MYO3B: variants seen among roughly 807,000 people sequenced by gnomAD.
MYO3B encodes myosin-IIIb.
In MYO3B, 156 loss-of-function variants were observed where a neutral mutation model predicts 174.6. The observed-to-expected ratio is 0.89, with a 90% CI of 0.78 to 1.02. The LOEUF is 1.02. Ranked by LOEUF, MYO3B falls within the 50% of genes least tolerant of loss-of-function variation. The pLI is 0.00. For missense variants in MYO3B, 1,632 were observed against 1,639.4 expected (o/e 1.00, Z 0.08); for synonymous variants, 563 against 569.1 (o/e 0.99, Z 0.15).
intron 32 of MYO3B, among the ~76,000 whole-genome samples, chr2:170,551,022 CT>C (rs1041767694): frequency 8.3e-5 from 5 of 60,082 alleles, no homozygotes; most frequent in African/African-American, 4.7e-4. Flanking sequence ...CCTCAGCCTC[CT>C]AAGTAACTGG....
At chr2:170,511,800 A>C (rs907860868) in intron 28 of MYO3B, among the ~76,000 whole-genome samples, 3 of 152,112 alleles carry the variant, frequency 2.0e-5, no homozygotes, top group African/African-American at 4.8e-5. Context: ...CAAACTGACC[A>C]CTCTGGCCCA....
chr2:170,569,664 C>T (rs1692306943), intron 32 of MYO3B, among the ~76,000 whole-genome samples: 1 of 151,654 alleles, frequency 6.6e-6, no homozygotes, highest in Admixed American at 6.6e-5. Context: ...GAGTTCAAGA[C>T]CAGCCTGGCC....
At chr2:170,210,022 T>C (rs912363225) in intron 3 of MYO3B, among the ~76,000 whole-genome samples, 3 of 152,198 alleles carry the variant, frequency 2.0e-5, no homozygotes, top group African/African-American at 7.2e-5. Flanking sequence ...CTATTAAATA[T>C]GTTAGTGGTT....
At chr2:170,423,789 G>A (rs1014749780) in intron 22 of MYO3B, among the ~76,000 whole-genome samples, 3 of 152,006 alleles carry the variant, frequency 2.0e-5, no homozygotes, top group East Asian at 1.9e-4. Context: ...CCATGTTGGC[G>A]AGGATGGTCT....
chr2:170,611,094 G>A (rs752218897), intron 32 of MYO3B, among the ~76,000 whole-genome samples: 6 of 152,140 alleles, frequency 3.9e-5, no homozygotes, highest in Non-Finnish European at 7.3e-5. Context: ...ATTTACCCCA[G>A]TGAAAGGCAT....
At position 170,301,978 on chromosome 2, in the gene MYO3B, A is replaced by G. The variant is rs567099779; in HGVS notation, c.750-33407A>G. 2.6e-5 allele frequency among the ~76,000 whole-genome samples: 4 copies of G among 150,954 alleles called. 1 individual carries two copies. The highest frequency in any genetic ancestry group is 9.7e-5 in the African/African-American group (4 of 41,064). ...AGGAGGCAAATTAAAGCCTTATTGG[A>G]AAATTCTAAATAGGTAGGTGTTTGT... On this transcript the variant is annotated intron_variant, in intron 7 of 34. Transcript: ENST00000408978.
At chr2:170,424,171 A>T (rs1470791420) in intron 22 of MYO3B, among the ~76,000 whole-genome samples, 1 of 152,242 alleles carries the variant, frequency 6.6e-6, no homozygotes, top group Admixed American at 6.5e-5. Flanking sequence ...CTTGAGGGTC[A>T]AGAATCATGT....
At chr2:170,302,983 C>T (rs2093675856) in intron 7 of MYO3B, among the ~76,000 whole-genome samples, 1 of 152,064 alleles carries the variant, frequency 6.6e-6, no homozygotes, top group Non-Finnish European at 1.5e-5. Context: ...ATTCTTGAGT[C>T]TACTGAAACA....
chr2:170,474,058 A>G (rs909615760), intron 25 of MYO3B, among the ~76,000 whole-genome samples: 2 of 152,214 alleles, frequency 1.3e-5, no homozygotes, highest in Admixed American at 6.5e-5. Context: ...ATCCAAAGAC[A>G]TGTCTGGATC....
chr2:170,538,974 A>G (rs2106193379), intron 30 of MYO3B, among the ~76,000 whole-genome samples: 1 of 152,346 alleles, frequency 6.6e-6, no homozygotes, highest in East Asian at 1.9e-4. Flanking sequence ...TCAGAAAACA[A>G]TATCACACTT....
chr2:170,274,492 G>A (rs2093448885), intron 7 of MYO3B, among the ~76,000 whole-genome samples: 1 of 152,142 alleles, frequency 6.6e-6, no homozygotes, highest in Non-Finnish European at 1.5e-5. Flanking sequence ...GCTACTTTTA[G>A]TAGGCTCGGT....
At chr2:170,197,277 G>A (rs978659296) in intron 1 of MYO3B, among the ~76,000 whole-genome samples, 5 of 152,164 alleles carry the variant, frequency 3.3e-5, no homozygotes, top group African/African-American at 4.8e-5. Flanking sequence ...CCCACATGGT[G>A]TGGCCAGCCT....
At chr2:170,272,010 A>AC (rs2093428728) in intron 7 of MYO3B, among the ~76,000 whole-genome samples, 1 of 151,102 alleles carries the variant, frequency 6.6e-6, no homozygotes, top group Non-Finnish European at 1.5e-5. Context: ...AGGGACTGTT[A>AC]TATTTCTACA....
At chr2:170,539,151 A>G (rs983561102) in intron 30 of MYO3B, among the ~76,000 whole-genome samples, 4 of 152,194 alleles carry the variant, frequency 2.6e-5, no homozygotes, top group Non-Finnish European at 4.4e-5. Context: ...GATACAGAAT[A>G]GTCACTTTTT....
At position 170,499,675 on chromosome 2, in the gene MYO3B, A is replaced by G. The variant is rs757601487; in HGVS notation, c.3156A>G (p.Gln1052=). 53 of 1,614,156 alleles carry G rather than the reference A, an allele frequency of 3.3e-5. 1 individual carries two copies. In the South Asian group the frequency reaches 5.7e-4, roughly 17 times the overall value. ...KVFLKYYHVE[Q]LNLLLREVIG... is the part of the protein sequence containing the mutation. The stretch of plus-strand genomic sequence containing the variant: ...TTCTCAAATATTACCATGTTGAGCA[A>G]TTAAATTTGCTGCTTCGAGAAGTCA... Residue 1052 remains glutamine, a synonymous_variant, in exon 27 of 35, where the codon CAA becomes CAG. Transcript: ENST00000408978.
At chr2:170,474,414 G>A (rs1235233230) in intron 25 of MYO3B, among the ~76,000 whole-genome samples, 2 of 151,902 alleles carry the variant, frequency 1.3e-5, no homozygotes, top group Admixed American at 6.6e-5. Flanking sequence ...ACTCTTTAAA[G>A]GAAGGATAGG....
intron 32 of MYO3B, among the ~76,000 whole-genome samples, chr2:170,578,944 T>C (rs879124751): frequency 2.6e-5 from 4 of 152,236 alleles, no homozygotes; most frequent in Admixed American, 2.6e-4. Context: ...CAGCAAGTTA[T>C]TGTACTCAGG....
intron 1 of MYO3B, among the ~76,000 whole-genome samples, chr2:170,183,075 G>A (rs909034880): frequency 6.6e-6 from 1 of 152,012 alleles, no homozygotes; most frequent in African/African-American, 2.4e-5. Context: ...GGGCAACACT[G>A]TGAAACCCCG....
At chr2:170,259,917 A>T (rs2093332520) in intron 7 of MYO3B, among the ~76,000 whole-genome samples, 1 of 152,120 alleles carries the variant, frequency 6.6e-6, no homozygotes, top group Non-Finnish European at 1.5e-5. Flanking sequence ...ACATGAAGAG[A>T]TAGATACATC....
Sources: gnomAD v4.1 joint callset for allele counts (sites outside exome capture counted in the v4.1 genomes callset) on GRCh38, gnomAD v4.1.1 for gene constraint, MANE v1.5 for transcripts, NCBI Gene and HGNC (gene_info 2026-07-23, HGNC 2026-07-21) for gene names.